The following USP47 variants were observed in gnomAD, a reference collection of about 807,000 sequenced individuals.
USP47 encodes the protein ubiquitin carboxyl-terminal hydrolase 47.
In USP47, 35 loss-of-function variants were observed where a neutral mutation model predicts 165.1. The ratio of observed to expected loss-of-function variants is 0.21; its 90% CI spans 0.16 to 0.28. The LOEUF is 0.28. Ranked by LOEUF, USP47 falls within the 10% of genes least tolerant of loss-of-function variation. The pLI is 1.00. For synonymous variants in USP47, 531 were observed against 544.5 expected, an observed-to-expected ratio of 0.98 and a Z score of 0.35; for missense variants, 1,277 against 1,607.4, an observed-to-expected ratio of 0.79 and a Z score of 3.52.
At chr11:11,866,520 G>A (rs1849690275) in intron 1 of USP47, among the ~76,000 whole-genome samples, 1 of 152,156 alleles carries the variant, frequency 6.6e-6, no homozygotes, top group Non-Finnish European at 1.5e-5. Context: ...CATGATTATG[G>A]TACTAGGTGA....
intron 1 of USP47, among the ~76,000 whole-genome samples, chr11:11,865,170 T>G (rs1849600773): frequency 6.6e-6 from 1 of 152,176 alleles, no homozygotes; most frequent in African/African-American, 2.4e-5. Context: ...TTGCTCAGCT[T>G]CTTGATTATA....
intron 14 of USP47, among the ~76,000 whole-genome samples, chr11:11,931,127 G>C (rs2134687613): frequency 6.6e-6 from 1 of 151,854 alleles, no homozygotes; most frequent in African/African-American, 2.4e-5. Flanking sequence ...TATCTAGGGG[G>C]GTGTGTACAG....
chr11:11,894,151 G>A (rs1381670043), intron 4 of USP47, among the ~76,000 whole-genome samples: 8 of 152,008 alleles, frequency 5.3e-5, no homozygotes, highest in Admixed American at 4.6e-4. Flanking sequence ...AATTTTGGGG[G>A]TACTTGTTAA....
intron 16 of USP47, 39 bp downstream of exon 16, chr11:11,933,974 C>CTGTTGT: frequency 4.9e-6 from 7 of 1,434,574 alleles, no homozygotes; most frequent in Non-Finnish European, 5.9e-6. Flanking sequence ...CTTACTAATA[C>CTGTTGT]AACAGTATTA....
At chr11:11,898,866 CTGAG>C (rs1852011712) in intron 5 of USP47, among the ~76,000 whole-genome samples, 1 of 152,108 alleles carries the variant, frequency 6.6e-6, no homozygotes, top group African/African-American at 2.4e-5. Context: ...GAAGGGCTAC[CTGAG>C]TGTTAGTCAT....
intron 3 of USP47, among the ~76,000 whole-genome samples, chr11:11,890,594 T>C (rs1590314228): frequency 6.6e-6 from 1 of 151,922 alleles, no homozygotes; most frequent in Non-Finnish European, 1.5e-5. Flanking sequence ...TTGTGGAAAA[T>C]AATGTGGTCA....
chr11:11,847,987 T>C (rs1012650516), intron 1 of USP47, among the ~76,000 whole-genome samples: 1 of 152,210 alleles, frequency 6.6e-6, no homozygotes, highest in African/African-American at 2.4e-5. Context: ...ATTTTACACA[T>C]GAAGAAACTA....
At position 11,842,090 on chromosome 11, in the gene USP47, A is replaced by T; in HGVS notation, c.-96A>T. ...TATTGCTGGAGCGCAGGCGGCGGAG[A>T]GGATGACTGCCGCTGCCATTCTCTC... On this transcript the variant is annotated 5_prime_UTR_variant, in exon 1 of 28. Transcript: ENST00000527733. 2 of 1,439,524 alleles carry T rather than the reference A, an allele frequency of 1.4e-6. No individual in the cohort carries two copies. The highest frequency in any genetic ancestry group is 1.9e-6 in the Non-Finnish European group (2 of 1,060,272). The allele number at this position is 1,439,524 out of a possible 1,614,324, so 89.2% of individuals were successfully genotyped here.
Position 11,936,394 on chromosome 11 carries a change from GAGA to G in USP47, c.1968_1970del (p.Glu656del), listed in dbSNP as rs748071532. The G allele has an allele frequency of 1.9e-5, 30 of 1,610,462 alleles. No individual in the cohort carries two copies. Among genetic ancestry groups the G allele is most frequent in the Non-Finnish European group, 2.5e-5 (29 of 1,177,720 alleles). ...GATTATCTAGAACGGTCATATGAAG[GAGA>G]AGAAGATACACCAATGGGGCTTCTA... On this transcript the variant is annotated inframe_deletion, in exon 17 of 28. Transcript: ENST00000527733.
chr11:11,874,976 G>A (rs553286244), intron 1 of USP47, among the ~76,000 whole-genome samples: 9 of 151,666 alleles, frequency 5.9e-5, no homozygotes, highest in East Asian at 1.9e-4. Context: ...ATGCTCTAAG[G>A]CCTAATTACT....
chr11:11,915,102 G>T (rs768366161), intron 8 of USP47, among the ~76,000 whole-genome samples: 4 of 152,090 alleles, frequency 2.6e-5, no homozygotes, highest in Non-Finnish European at 4.4e-5. Flanking sequence ...TAAGTGAATG[G>T]TTTAACAAAC....
chr11:11,930,142 A>C (rs1262381764), intron 13 of USP47, 22 bp downstream of exon 13: 1 of 1,580,770 alleles, frequency 6.3e-7, no homozygotes, highest in South Asian at 1.1e-5. Context: ...CCTAATTTTC[A>C]GTGTTTAAAA....
At position 11,880,331 on chromosome 11, in the gene USP47, A is replaced by G. The variant is rs1188303603; in HGVS notation, c.194A>G (p.Asn65Ser). Residue 65 changes from asparagine to serine, a missense_variant, in exon 2 of 28, where the codon AAT (asparagine) becomes AGT (serine). Coordinates refer to ENST00000527733, the MANE Select transcript of USP47 (RefSeq NM_001282659.2). Reference sequence around the variant, plus strand: ...GTGGCCAACAAAGTAGGCTACATAAATGGAACCTTTGACTTGGTGTGGGGA... The same window carrying G: ...GTGGCCAACAAAGTAGGCTACATAAGTGGAACCTTTGACTTGGTGTGGGGA... Reference protein sequence around the residue: ...EDVANKVGYINGTFDLVWGNG... With the variant: ...EDVANKVGYISGTFDLVWGNG... The G allele has an allele frequency of 7.3e-7, 1 of 1,375,960 alleles. No individual in the cohort carries two copies. Among genetic ancestry groups the G allele is most frequent in the Non-Finnish European group, 9.3e-7 (1 of 1,070,966 alleles). 85.2% of individuals were successfully genotyped at this position (1,375,960 alleles called of 1,614,324 possible).
chr11:11,935,000 G>T (rs1418256531), intron 16 of USP47, among the ~76,000 whole-genome samples: 4 of 152,070 alleles, frequency 2.6e-5, no homozygotes, highest in African/African-American at 9.7e-5. Context: ...AGTGCAATCT[G>T]CACCAGAGTC....
intron 1 of USP47, among the ~76,000 whole-genome samples, chr11:11,853,552 G>T (rs1848846704): frequency 6.6e-6 from 1 of 152,180 alleles, no homozygotes; most frequent in Admixed American, 6.5e-5. Context: ...TGTAAGAAGG[G>T]ATGGATGTAG....
chr11:11,936,569 T>G, intron 17 of USP47, 59 bp downstream of exon 17: 1 of 1,347,390 alleles, frequency 7.4e-7, no homozygotes. Context: ...TGAGAAAGTT[T>G]TTTTTTTTAT....
chr11:11,943,207 A>G (rs949992533), intron 20 of USP47, 95 bp downstream of exon 20: 405 of 1,361,862 alleles, frequency 3.0e-4, no homozygotes, highest in Non-Finnish European at 3.8e-4. Context: ...ACTTAGTTCT[A>G]AGATCATTTG....
At position 11,942,517 on chromosome 11, in the gene USP47, GGAT is replaced by G. The variant is rs1590435385; in HGVS notation, c.2502_2504del (p.Asp835del). The G allele has an allele frequency of 1.2e-6, 2 of 1,613,574 alleles. No individual in the cohort carries two copies. Among genetic ancestry groups the G allele is most frequent in the East Asian group, 4.5e-5 (2 of 44,856 alleles). On this transcript the variant is annotated inframe_deletion, in exon 20 of 28. Coordinates refer to ENST00000527733, the MANE Select transcript of USP47 (RefSeq NM_001282659.2). ...AAGCTGGAGGCGATTCTGGTAATGT[GGAT>G]GATGACTGTGAAAGAGTCAAAGGAC...
intron 2 of USP47, among the ~76,000 whole-genome samples, chr11:11,881,778 C>T (rs1002160191): frequency 6.6e-6 from 1 of 152,024 alleles, no homozygotes; most frequent in Non-Finnish European, 1.5e-5. Flanking sequence ...AGACATCTGT[C>T]CTTGGACCAT....
Sources: allele counts gnomAD v4.1 joint callset (sites outside exome capture counted in the v4.1 genomes callset), GRCh38; gene constraint gnomAD v4.1.1; transcripts MANE v1.5; gene names NCBI Gene and HGNC (gene_info 2026-07-23, HGNC 2026-07-21).